ACLY: variants seen among roughly 807,000 people sequenced by gnomAD.
The protein encoded by ACLY is ATP-citrate synthase.
ACLY carries 41 observed loss-of-function variants against 133.0 expected under a neutral mutation model. The ratio of observed to expected loss-of-function variants is 0.31; its 90% CI spans 0.24 to 0.40. ACLY has a LOEUF of 0.40. Ranked by LOEUF, ACLY falls within the 10% of genes least tolerant of loss-of-function variation. The pLI, the probability that ACLY is intolerant of heterozygous loss-of-function variation, is 1.00. For missense variants in ACLY, 1,046 were observed against 1,453.8 expected, an observed-to-expected ratio of 0.72 and a Z score of 4.56; for synonymous variants, 495 against 549.3, an observed-to-expected ratio of 0.90 and a Z score of 1.38.
chr17:41,929,320 C>T (rs1555636355), intron 1 of ACLY, among the ~76,000 whole-genome samples: 1 of 152,162 alleles, frequency 6.6e-6, no homozygotes, highest in Non-Finnish European at 1.5e-5. Context: ...GTCTCGAACT[C>T]CTGAGCTCAA....
chr17:41,874,553 G>C (rs1466863793), intron 22 of ACLY, among the ~76,000 whole-genome samples: 5 of 150,804 alleles, frequency 3.3e-5, no homozygotes, highest in Non-Finnish European at 7.4e-5. Context: ...GATTACAGGC[G>C]TGAGACCCAG....
At chr17:41,921,803 CA>C (rs1372191939), upstream of ACLY, among the ~76,000 whole-genome samples, 78 of 140,422 alleles carry the variant, frequency 5.6e-4, no homozygotes, top group East Asian at 8.4e-4. Flanking sequence ...GTCACTGTCT[CA>C]AAAAAAAAAA....
At chr17:41,898,891 C>T in intron 11 of ACLY, 106 bp from the exon 12 acceptor site, 1 of 1,153,100 alleles carries the variant, frequency 8.7e-7, no homozygotes, top group Admixed American at 2.5e-5. Flanking sequence ...GTGTTTGGCG[C>T]ATTCAGTGCA....
intron 11 of ACLY, among the ~76,000 whole-genome samples, chr17:41,899,824 G>A (rs932860401): frequency 2.0e-5 from 3 of 150,808 alleles, no homozygotes; most frequent in Non-Finnish European, 4.4e-5. Flanking sequence ...CAGGTGGATC[G>A]CTTGAGTCCA....
intron 20 of ACLY, among the ~76,000 whole-genome samples, chr17:41,879,658 A>AAAAAAG (rs2048858249): frequency 2.0e-5 from 1 of 49,654 alleles, no homozygotes; most frequent in Non-Finnish European, 4.8e-5. Flanking sequence ...AAAAAAAAAA[A>AAAAAAG]AAAAAAAAAA....
chr17:41,897,844 G>A lies in ACLY; in HGVS notation c.1339-5C>T, dbSNP rs2049416688. Reference sequence around the variant, plus strand: ...TGTCCTGCTGGGGGCTGGCGTCTGGGGTGAGATAAGGAGAGAGTGTAAGAG... The same window carrying A: ...TGTCCTGCTGGGGGCTGGCGTCTGGAGTGAGATAAGGAGAGAGTGTAAGAG... On this transcript the variant is annotated splice_polypyrimidine_tract_variant and splice_region_variant and intron_variant, in intron 12 of 28. Transcript: ENST00000352035. 3 of 1,612,412 alleles carry A rather than the reference G, an allele frequency of 1.9e-6. No homozygotes were observed. The highest frequency in any genetic ancestry group is 2.5e-6 in the Non-Finnish European group (3 of 1,179,236).
rs782131682 is a variant in ACLY at position 41,909,549 on chromosome 17, T to A, written c.497A>T (p.Lys166Ile). ...VDEKLNPEDI[K>I]KHLLVHAPED... Reference sequence around the variant, plus strand: ...AGGGGCGTGGACCAACAGGTGTTTTTTGATGTCCTCAGGATTCAGTTTCTC... The same window carrying A: ...AGGGGCGTGGACCAACAGGTGTTTTATGATGTCCTCAGGATTCAGTTTCTC... The change falls in exon 5 of 29, where the codon AAA becomes ATA. Residue 166 changes from lysine (K) to isoleucine (I), a missense_variant. Physicochemically the swap from Lys to Ile is moderately radical, Grantham distance 102. Transcript: ENST00000352035. 12 of 1,614,204 alleles carry A rather than the reference T, an allele frequency of 7.4e-6. No homozygotes were observed. Among genetic ancestry groups the A allele is most frequent in the Non-Finnish European group, 1.0e-5 (12 of 1,180,024 alleles).
chr17:41,877,828 G>A (rs11079023), intron 22 of ACLY, among the ~76,000 whole-genome samples: 28,150 of 151,864 alleles, frequency 0.19, 3,464 homozygotes, highest in Admixed American at 0.32. Context: ...CTCAAACATC[G>A]GACTCCAAGT....
At chr17:41,903,778 AAAAAAAAAG>A (rs2049607968) in intron 10 of ACLY, among the ~76,000 whole-genome samples, 1 of 150,294 alleles carries the variant, frequency 6.7e-6, no homozygotes, top group South Asian at 2.1e-4. Context: ...AAAAAAAAAA[AAAAAAAAAG>A]AGATGCAGAG....
At chr17:41,907,306 A>T (rs2144384543) in intron 7 of ACLY, 136 bp downstream of exon 7, 10 of 605,182 alleles carry the variant, frequency 1.7e-5, no homozygotes, top group East Asian at 3.7e-5. Flanking sequence ...AGGTTTTAAG[A>T]AAATTAAATG....
At chr17:41,889,859 T>A (rs1197067716) in intron 16 of ACLY, among the ~76,000 whole-genome samples, 1 of 151,998 alleles carries the variant, frequency 6.6e-6, no homozygotes, top group Non-Finnish European at 1.5e-5. Flanking sequence ...CTATTTTTTT[T>A]ATTTTTAGTA....
At position 41,918,909 on chromosome 17, in the gene ACLY, T is replaced by C; in HGVS notation, c.-53A>G. 7.8e-7 allele frequency: 1 copy of C among 1,288,542 alleles called. No individual in the cohort carries two copies. Among genetic ancestry groups the C allele is most frequent in the Non-Finnish European group, 1.0e-6 (1 of 988,408 alleles). The allele number at this position is 1,288,542 out of a possible 1,614,324, so 79.8% of individuals were successfully genotyped here. A position where few individuals can be genotyped will look rare whatever the true frequency, so the allele number is the denominator to read the frequency against. On this transcript the variant is annotated 5_prime_UTR_variant, in exon 1 of 29. Coordinates refer to ENST00000352035, the MANE Select transcript of ACLY (RefSeq NM_001096.3). ...GCCGAAGTCCGTGCGCGGCGCTTCT[T>C]CCACAGGCCCGACGAACCCCGCAAA...
chr17:41,891,339 T>A (rs1421586054), intron 16 of ACLY, among the ~76,000 whole-genome samples: 1 of 152,176 alleles, frequency 6.6e-6, no homozygotes, highest in Non-Finnish European at 1.5e-5. Flanking sequence ...AAGCCAGTTA[T>A]GCATAGCACA....
intron 16 of ACLY, 46 bp from the exon 17 acceptor site, chr17:41,887,749 A>C: frequency 6.5e-7 from 1 of 1,539,354 alleles, no homozygotes; most frequent in Non-Finnish European, 9.0e-7. Context: ...CTGCCTCAGA[A>C]AGGGCAACAA....
chr17:41,890,803 C>T (rs1363596892), intron 16 of ACLY, among the ~76,000 whole-genome samples: 1 of 134,726 alleles, frequency 7.4e-6, no homozygotes, highest in Non-Finnish European at 1.5e-5. Context: ...GAGTTCGAGA[C>T]CAGTCTGGCC....
chr17:41,929,857 A>T (rs1156517863), intron 1 of ACLY, among the ~76,000 whole-genome samples: 1 of 149,120 alleles, frequency 6.7e-6, no homozygotes, highest in South Asian at 2.1e-4. Context: ...CCAGTTTTAC[A>T]TGTATGCCGT....
chr17:41,882,367 C>CAAAA lies in ACLY; in HGVS notation c.2265+751_2265+754dup, dbSNP rs34078258. 2.0e-3 allele frequency among the ~76,000 whole-genome samples: 82 copies of CAAAA among 40,248 alleles called. 16 individuals carry two copies. Among genetic ancestry groups the CAAAA allele is most frequent in the African/African-American group, 5.8e-3 (54 of 9,382 alleles). 26.4% of individuals were successfully genotyped at this position (40,248 alleles called of 152,430 possible). A position where few individuals can be genotyped will look rare whatever the true frequency, so the allele number is the denominator to read the frequency against. ...GGGCGACAGAGTGAGACCCTGTCTCCAAAAAAAAAAAAAAAAAAAAAAAAA... is the reference window on the plus strand; with the variant it reads ...GGGCGACAGAGTGAGACCCTGTCTCCAAAAAAAAAAAAAAAAAAAAAAAAAAAAA... On this transcript the variant is annotated intron_variant, in intron 20 of 28. Transcript: ENST00000352035.
At chr17:41,919,121 G>A, upstream of ACLY, 1 of 1,141,584 alleles carries the variant, frequency 8.8e-7, no homozygotes, top group Non-Finnish European at 1.1e-6. Flanking sequence ...CACGAGGGCG[G>A]GCCCCGGGGC....
chr17:41,883,795 C>T (rs1332739848), intron 19 of ACLY, among the ~76,000 whole-genome samples: 2 of 151,860 alleles, frequency 1.3e-5, no homozygotes, highest in Admixed American at 6.6e-5. Flanking sequence ...ATGTAGGCCA[C>T]GATGGTCTAG....
Sources: gnomAD v4.1 joint callset for allele counts (sites outside exome capture counted in the v4.1 genomes callset) on GRCh38, gnomAD v4.1.1 for gene constraint, MANE v1.5 for transcripts, NCBI Gene and HGNC (gene_info 2026-07-23, HGNC 2026-07-21) for gene names.